The following TRPV1 variants were observed in gnomAD, a reference collection of about 807,000 sequenced individuals.
TRPV1 encodes the protein transient receptor potential cation channel subfamily V member 1, also known as OTRPC1.
Under a neutral mutation model 82.3 loss-of-function variants are expected in TRPV1, and 82 were observed. That is an observed-to-expected ratio of 1.00 (90% CI 0.83 to 1.20). TRPV1 has a LOEUF of 1.20. Among genes scored for constraint, TRPV1 ranks in the 50% most tolerant of loss-of-function variants. The pLI is 0.00. For synonymous variants in TRPV1, 515 were observed against 467.7 expected (o/e 1.10, Z -1.30); for missense variants, 1,067 against 1,096.8 (o/e 0.97, Z 0.38).
At chr17:3,576,981 AGT>A in intron 13 of TRPV1, 143 bp downstream of exon 13, 1 of 760,844 alleles carries the variant, frequency 1.3e-6, no homozygotes. Context: ...AGCTCATTTC[AGT>A]GTGTCCTCTG....
intron 16 of TRPV1, 50 bp from the exon 17 acceptor site, chr17:3,567,037 C>T (rs1256756572): frequency 1.3e-6 from 2 of 1,592,480 alleles, no homozygotes; most frequent in Non-Finnish European, 1.7e-6. Flanking sequence ...CAAACATTCA[C>T]TTCTTGGCCT....
intron 2 of TRPV1, among the ~76,000 whole-genome samples, chr17:3,607,175 C>T (rs2075301135): frequency 6.6e-6 from 1 of 152,198 alleles, no homozygotes; most frequent in African/African-American, 2.4e-5. Context: ...GAAACCCCAT[C>T]TCTACTAAAA....
At chr17:3,589,563 C>T (rs566092010) in intron 7 of TRPV1, among the ~76,000 whole-genome samples, 15 of 152,176 alleles carry the variant, frequency 9.9e-5, no homozygotes, top group Non-Finnish European at 1.9e-4. Context: ...CACCCTACCC[C>T]ACCCCATGTC....
chr17:3,574,178 T>A (rs1196659828), intron 13 of TRPV1, among the ~76,000 whole-genome samples: 1 of 152,218 alleles, frequency 6.6e-6, no homozygotes, highest in East Asian at 1.9e-4. Flanking sequence ...CTATGTGCAA[T>A]GTGAATACAG....
At chr17:3,609,285 A>T (rs1286700886) in intron 1 of TRPV1, 24 bp downstream of exon 1, 1 of 151,690 alleles carries the variant, frequency 6.6e-6, no homozygotes, top group Non-Finnish European at 1.5e-5. Flanking sequence ...AATGACATTT[A>T]TAAAGAGACA....
intron 15 of TRPV1, 110 bp downstream of exon 15, chr17:3,572,011 AG>A: frequency 7.2e-7 from 1 of 1,388,728 alleles, no homozygotes; most frequent in East Asian, 2.5e-5. Context: ...GCATTGGGAG[AG>A]CCCCCTGTGC....
chr17:3,580,769 C>T (rs2074997997), intron 10 of TRPV1, among the ~76,000 whole-genome samples: 1 of 152,230 alleles, frequency 6.6e-6, no homozygotes, highest in South Asian at 2.1e-4. Flanking sequence ...GTCATCCCAG[C>T]ACTTTGGGAG....
At position 3,573,804 on chromosome 17, in the gene TRPV1, G is replaced by A; in HGVS notation, c.1932C>T (p.Gly644=). ...TCTCAGTGAACTCCAGGTCGCCCAT[G>A]CCGATGGTGAACTTGAACAGCTCCA... The part of the protein sequence containing the change: ...TCLELFKFTI[G]MGDLEFTENY... Residue 644 remains glycine (G), a synonymous_variant, in exon 14 of 17, where the codon GGC becomes GGT. Coordinates refer to ENST00000572705, the MANE Select transcript of TRPV1 (RefSeq NM_080704.4). 1 of 1,613,912 alleles carries A rather than the reference G, an allele frequency of 6.2e-7. No individual in the cohort carries two copies. The highest frequency in any genetic ancestry group is 8.5e-7 in the Non-Finnish European group (1 of 1,179,884).
intron 7 of TRPV1, among the ~76,000 whole-genome samples, chr17:3,589,186 C>T (rs1422278013): frequency 1.4e-5 from 2 of 147,536 alleles, no homozygotes; most frequent in African/African-American, 5.0e-5. Context: ...CATGGAAAAA[C>T]ACCAACAGCT....
intron 2 of TRPV1, among the ~76,000 whole-genome samples, chr17:3,597,468 C>T (rs1463005847): frequency 6.6e-6 from 1 of 152,106 alleles, no homozygotes; most frequent in Non-Finnish European, 1.5e-5. Flanking sequence ...ACAGTACTGG[C>T]CTGGCATTAG....
At position 3,580,305 on chromosome 17, in the gene TRPV1, C is replaced by T. The variant is rs527851827; in HGVS notation, c.1547+152G>A. On this transcript the variant is annotated intron_variant, in intron 11 of 16. Transcript: ENST00000572705. ...AGCAGGCCCTCAGTATTCATTCATC[C>T]CCCGAGTATGTATTCAGTGCCTTCC... 5.3e-5 allele frequency among the ~76,000 whole-genome samples: 8 copies of T among 152,282 alleles called. No individual in the cohort carries two copies. The South Asian group carries it at 6.2e-4, about 12-fold the overall frequency.
rs1345233833 is a variant in TRPV1, at chr17:3,566,016, A to G, written c.*799T>C. ...GTGAAACCCCGTCTCTATTAAAAAT[A>G]CAAAAATTAGCCGGGCGTGGTAGTG... On this transcript the variant is annotated 3_prime_UTR_variant, in exon 17 of 17. Coordinates refer to ENST00000572705, the MANE Select transcript of TRPV1 (RefSeq NM_080704.4). 1 of 150,400 alleles carries G rather than the reference A, an allele frequency of 6.6e-6. No individual in the cohort carries two copies. The highest frequency in any genetic ancestry group is 1.5e-5 in the Non-Finnish European group (1 of 67,662). 9.3% of individuals were successfully genotyped at this position (150,400 alleles called of 1,614,324 possible). A position where few individuals can be genotyped will look rare whatever the true frequency, so the allele number is the denominator to read the frequency against.
intron 10 of TRPV1, among the ~76,000 whole-genome samples, chr17:3,582,946 CAAA>C (rs34771586): frequency 7.0e-5 from 9 of 129,064 alleles, no homozygotes; most frequent in Admixed American, 1.5e-4. Context: ...AACTCCACCT[CAAA>C]AAAAAAAAAA....
intron 11 of TRPV1, among the ~76,000 whole-genome samples, chr17:3,579,623 G>C (rs1297195486): frequency 6.6e-6 from 1 of 152,094 alleles, no homozygotes; most frequent in Non-Finnish European, 1.5e-5. Flanking sequence ...TTACAGGTGC[G>C]TGCCACCATG....
intron 2 of TRPV1, among the ~76,000 whole-genome samples, chr17:3,593,987 G>T (rs2075192313): frequency 6.6e-6 from 1 of 151,910 alleles, no homozygotes; most frequent in Non-Finnish European, 1.5e-5. Flanking sequence ...AATTAGCCGG[G>T]CGTGGTGTCG....
intron 2 of TRPV1, among the ~76,000 whole-genome samples, chr17:3,594,537 G>A (rs542213344): frequency 6.6e-5 from 10 of 152,272 alleles, no homozygotes; most frequent in East Asian, 5.8e-4. Flanking sequence ...TGAACAGGAC[G>A]GACGGCTGGC....
At chr17:3,574,686 C>T (rs1257873990) in intron 13 of TRPV1, among the ~76,000 whole-genome samples, 1 of 152,142 alleles carries the variant, frequency 6.6e-6, no homozygotes, top group Admixed American at 6.6e-5. Flanking sequence ...TGGTGGCTCA[C>T]GCCTGTAATC....
intron 7 of TRPV1, chr17:3,588,881 A>G (rs1039338070): frequency 1.2e-4 from 189 of 1,533,484 alleles, no homozygotes; most frequent in Admixed American, 3.5e-4. Flanking sequence ...TACCTGCACC[A>G]TATCAGGCCC....
intron 8 of TRPV1, 55 bp from the exon 9 acceptor site, chr17:3,585,981 G>A (rs545137100): frequency 1.1e-5 from 18 of 1,597,490 alleles, no homozygotes; most frequent in East Asian, 6.7e-5. Context: ...CTCCTCGCAC[G>A]CCCACACCAG....
Sources: gnomAD v4.1 joint callset for allele counts (sites outside exome capture counted in the v4.1 genomes callset) on GRCh38, gnomAD v4.1.1 for gene constraint, MANE v1.5 for transcripts, NCBI Gene and HGNC (gene_info 2026-07-23, HGNC 2026-07-21) for gene names.